Variants in GLRA1 observed in about 807,000 individuals in gnomAD.
The protein encoded by GLRA1 is glycine receptor subunit alpha-1.
Under a neutral mutation model 48.3 loss-of-function variants are expected in GLRA1, and 37 were observed. That is an observed-to-expected ratio of 0.77 (90% confidence interval 0.59 to 1.01). The LOEUF (loss-of-function observed/expected upper bound fraction) is 1.01. Ranked by LOEUF, GLRA1 falls within the 50% of genes least tolerant of loss-of-function variation. The pLI, the probability that GLRA1 is intolerant of heterozygous loss-of-function variation, is 0.00. For missense variants in GLRA1, 427 were observed against 571.0 expected, an observed-to-expected ratio of 0.75 and a Z score of 2.57; for synonymous variants, 196 against 210.7, an observed-to-expected ratio of 0.93 and a Z score of 0.60.
intron 1 of GLRA1, among the ~76,000 whole-genome samples, chr5:151,900,664 C>T (rs919923542): frequency 2.6e-5 from 4 of 151,994 alleles, no homozygotes; most frequent in Admixed American, 1.3e-4. Flanking sequence ...ATTATATTGA[C>T]GTTTTCTTTT....
chr5:151,831,168 C>T (rs1763412577), intron 7 of GLRA1, among the ~76,000 whole-genome samples: 1 of 152,234 alleles, frequency 6.6e-6, no homozygotes, highest in Non-Finnish European at 1.5e-5. Flanking sequence ...AAAGGAGATT[C>T]CCTCGGGTGC....
rs1214179831 is a variant in GLRA1 at position 151,892,391 on chromosome 5, G to A, written c.104C>T (p.Pro35Leu). 6.2e-7 allele frequency: 1 copy of A among 1,614,078 alleles called. No homozygotes were observed. Among genetic ancestry groups the A allele is most frequent in the Non-Finnish European group, 8.5e-7 (1 of 1,179,938 alleles). Reference protein sequence around the residue: ...EAEAARSAPKPMSPSDFLDKL... With the variant: ...EAEAARSAPKLMSPSDFLDKL... ...ATCCAGGAAATCCGAGGGTGACATAGGCTTGGGTGCGGAGCGAGCAGCTTC... is the reference window on the plus strand; with the variant it reads ...ATCCAGGAAATCCGAGGGTGACATAAGCTTGGGTGCGGAGCGAGCAGCTTC... The change falls in exon 2 of 9, where the codon CCT becomes CTT. Residue 35 changes from proline (P) to leucine (L), a missense_variant. Physicochemically the swap from Pro to Leu is moderately conservative, Grantham distance 98 (BLOSUM62 -3). Coordinates refer to ENST00000274576, the MANE Select transcript of GLRA1 (RefSeq NM_000171.4).
At chr5:151,849,136 CTTT>C (rs1752783077) in intron 7 of GLRA1, 7 of 197,190 alleles carry the variant, frequency 3.5e-5, no homozygotes, top group Non-Finnish European at 6.2e-5. Context: ...TTCTTTCTTT[CTTT>C]CTTTCTTTCT....
intron 3 of GLRA1, among the ~76,000 whole-genome samples, chr5:151,873,919 A>C (rs1378249749): frequency 6.6e-6 from 1 of 152,184 alleles, no homozygotes; most frequent in Non-Finnish European, 1.5e-5. Context: ...TGAACCCATC[A>C]ACTAAATAGT....
At chr5:151,899,893 A>G (rs1754321835) in intron 1 of GLRA1, among the ~76,000 whole-genome samples, 1 of 152,072 alleles carries the variant, frequency 6.6e-6, no homozygotes, top group Non-Finnish European at 1.5e-5. Context: ...ACTGCTTCCT[A>G]TAGGGAACGC....
intron 1 of GLRA1, among the ~76,000 whole-genome samples, chr5:151,923,719 C>G (rs1034535821): frequency 6.6e-6 from 1 of 152,096 alleles, no homozygotes; most frequent in Non-Finnish European, 1.5e-5. Context: ...GCTGTTGAGT[C>G]AAATATAAGC....
chr5:151,856,511 T>C, intron 4 of GLRA1, 128 bp from the exon 5 acceptor site: 3 of 662,974 alleles, frequency 4.5e-6, no homozygotes, highest in Non-Finnish European at 8.5e-6. Flanking sequence ...TTGTGTTTGT[T>C]TTTTTGTTTA....
chr5:151,891,592 A>AT (rs1754070595), intron 2 of GLRA1, among the ~76,000 whole-genome samples: 1 of 152,022 alleles, frequency 6.6e-6, no homozygotes, highest in African/African-American at 2.4e-5. Context: ...CTGTACCTCT[A>AT]TTTCTTCATA....
chr5:151,825,978 C>A (rs1285358125), intron 8 of GLRA1, among the ~76,000 whole-genome samples: 1 of 152,212 alleles, frequency 6.6e-6, no homozygotes, highest in Non-Finnish European at 1.5e-5. Context: ...TTATGGTGAG[C>A]TCACTTCTGC....
rs1561554796 is a variant in GLRA1, at chr5:151,849,251, C to CCCTTCT, written c.912+2138_912+2139insAGAAGG. ...CTTCCTTCCTTCCTTCCTTCCTTCCCTTCTTTCTTTCTCTCTCTCTCTCTT... is the reference window on the plus strand; with the variant it reads ...CTTCCTTCCTTCCTTCCTTCCTTCCCCCTTCTTTCTTTCTTTCTCTCTCTCTCTCTT... On this transcript the variant is annotated intron_variant, in intron 7 of 8. Transcript: ENST00000274576. Among the ~76,000 whole-genome samples the CCCTTCT allele has an allele frequency of 1.7e-3, 95 of 55,000 alleles. 4 individuals are homozygous for CCCTTCT. The highest frequency in any genetic ancestry group is 6.7e-3 in the African/African-American group (91 of 13,554). The allele number at this position is 55,000 out of a possible 152,430, so 36.1% of individuals were successfully genotyped here.
At chr5:151,851,020 C>A (rs577096920) in intron 7 of GLRA1, among the ~76,000 whole-genome samples, 1 of 152,172 alleles carries the variant, frequency 6.6e-6, no homozygotes, top group South Asian at 2.1e-4. Context: ...TGTTGGAGAT[C>A]CCTGACACAC....
intron 7 of GLRA1, among the ~76,000 whole-genome samples, chr5:151,829,395 G>A (rs960307243): frequency 6.6e-6 from 1 of 152,188 alleles, no homozygotes; most frequent in African/African-American, 2.4e-5. Flanking sequence ...AGCATTAAAA[G>A]TGAATGGAGG....
intron 1 of GLRA1, among the ~76,000 whole-genome samples, chr5:151,900,724 A>G (rs1163068079): frequency 1.3e-5 from 2 of 152,172 alleles, no homozygotes; most frequent in South Asian, 2.1e-4. Flanking sequence ...GGCTGAAGTC[A>G]TGACAGTCCT....
At chr5:151,845,026 T>G (rs951328429) in intron 7 of GLRA1, among the ~76,000 whole-genome samples, 3 of 152,172 alleles carry the variant, frequency 2.0e-5, no homozygotes, top group African/African-American at 7.2e-5. Context: ...TTTTAAAATT[T>G]TATTTATTTT....
chr5:151,824,384 C>T (rs1244193280), intron 8 of GLRA1, among the ~76,000 whole-genome samples: 1 of 152,020 alleles, frequency 6.6e-6, no homozygotes, highest in Non-Finnish European at 1.5e-5. Flanking sequence ...TTGCTTAGAA[C>T]CTTTTAATAG....
chr5:151,827,476 A>C (rs1316560307), intron 8 of GLRA1, among the ~76,000 whole-genome samples: 2 of 152,182 alleles, frequency 1.3e-5, no homozygotes, highest in Non-Finnish European at 2.9e-5. Context: ...CTTGTGCGGC[A>C]GGAACAAAAC....
chr5:151,874,429 A>T (rs1753573112), intron 3 of GLRA1, among the ~76,000 whole-genome samples: 1 of 152,134 alleles, frequency 6.6e-6, no homozygotes, highest in Admixed American at 6.6e-5. Context: ...GGAGGTGTGC[A>T]AGCAAAAAGT....
intron 3 of GLRA1, among the ~76,000 whole-genome samples, chr5:151,880,273 T>C (rs1409067387): frequency 6.6e-6 from 1 of 152,230 alleles, no homozygotes; most frequent in African/African-American, 2.4e-5. Context: ...GCATACCTAT[T>C]ACTCTGTGTG....
chr5:151,824,954 G>T lies in GLRA1; in HGVS notation c.1060-1991C>A, dbSNP rs541821921. On this transcript the variant is annotated intron_variant, in intron 8 of 8. Transcript: ENST00000274576. ...TTCACCAGCTTTAGTGTCCTTTTTT[G>T]TTGTTGTTGTTTGTTTAAATGGAGT... Among the ~76,000 whole-genome samples the T allele has an allele frequency of 6.0e-5, 9 of 149,282 alleles. No individual in the cohort carries two copies. The South Asian group carries it at 8.3e-4, about 14-fold the overall frequency.
Sources: gnomAD v4.1 joint callset for allele counts (sites outside exome capture counted in the v4.1 genomes callset) on GRCh38, gnomAD v4.1.1 for gene constraint, MANE v1.5 for transcripts, NCBI Gene and HGNC (gene_info 2026-07-23, HGNC 2026-07-21) for gene names.